MAML2: variants seen among roughly 807,000 people sequenced by gnomAD.
The protein encoded by MAML2 is mastermind-like protein 2.
Under a neutral mutation model 96.1 loss-of-function variants are expected in MAML2, and 22 were observed. The ratio of observed to expected loss-of-function variants is 0.23; its 90% CI spans 0.16 to 0.33. The LOEUF (loss-of-function observed/expected upper bound fraction) is 0.33. Among genes scored for constraint, MAML2 ranks in the 10% least tolerant of loss-of-function variants. The probability of loss-of-function intolerance (pLI) is 1.00; values close to 1 mark genes in which losing one functional copy is unlikely to be tolerated. For missense variants in MAML2, 1,367 were observed against 1,392.4 expected (o/e 0.98, Z 0.29); for synonymous variants, 561 against 521.3 (o/e 1.08, Z -1.04).
At chr11:96,289,043 C>G (rs947979615) in intron 1 of MAML2, among the ~76,000 whole-genome samples, 6 of 152,110 alleles carry the variant, frequency 3.9e-5, no homozygotes, top group African/African-American at 1.4e-4. Context: ...ATGTGTAAAG[C>G]CTGTTTCATT....
intron 1 of MAML2, among the ~76,000 whole-genome samples, chr11:96,169,764 C>T (rs1309149808): frequency 1.3e-5 from 2 of 151,504 alleles, no homozygotes; most frequent in Non-Finnish European, 2.9e-5. Flanking sequence ...AAGCGATTCT[C>T]CTGCCTCAGC....
intron 3 of MAML2, among the ~76,000 whole-genome samples, chr11:95,986,276 C>T (rs144363688): frequency 4.0e-4 from 60 of 150,570 alleles, no homozygotes; most frequent in Non-Finnish European, 7.1e-4. Flanking sequence ...GTGATCTCGG[C>T]TTACTGCAAC....
chr11:96,149,969 G>T (rs1407085609), intron 1 of MAML2, among the ~76,000 whole-genome samples: 2 of 152,064 alleles, frequency 1.3e-5, no homozygotes, highest in Non-Finnish European at 2.9e-5. Context: ...TGACTCCTGA[G>T]TCATCATGGC....
intron 2 of MAML2, among the ~76,000 whole-genome samples, chr11:96,028,317 C>A (rs566542297): frequency 6.6e-6 from 1 of 152,240 alleles, no homozygotes; most frequent in African/African-American, 2.4e-5. Context: ...CTCTTATAAG[C>A]ATTTTACCAC....
intron 1 of MAML2, among the ~76,000 whole-genome samples, chr11:96,155,917 A>G (rs1306257001): frequency 6.6e-6 from 1 of 152,122 alleles, no homozygotes; most frequent in Non-Finnish European, 1.5e-5. Flanking sequence ...TACAAGAGGA[A>G]ACATAAAAGA....
In MAML2 at chr11:96,320,923, T is replaced by C. The variant is rs182185214; in HGVS notation, c.513+20460A>G. Among the ~76,000 whole-genome samples, 30 of 152,300 alleles carry C rather than the reference T, an allele frequency of 2.0e-4. No homozygotes were observed. In the East Asian group the frequency reaches 3.7e-3, roughly 19 times the overall value. On this transcript the variant is annotated intron_variant, in intron 1 of 4. Transcript: ENST00000524717. ...CCAGTTGGAAGAGTGGGAGAAAACA[T>C]GTGGAATCCACATGCTGGCCAATTT... is the stretch of plus-strand genomic sequence containing the variant.
chr11:96,043,907 G>GGTAA (rs1243362772), intron 2 of MAML2, among the ~76,000 whole-genome samples: 15 of 152,302 alleles, frequency 9.8e-5, no homozygotes, highest in East Asian at 7.7e-4. Context: ...AAGTGCTGGT[G>GGTAA]GTAACTCTGG....
At chr11:95,988,322 G>A (rs1203630793) in intron 3 of MAML2, among the ~76,000 whole-genome samples, 1 of 151,016 alleles carries the variant, frequency 6.6e-6, no homozygotes, top group African/African-American at 2.4e-5. Flanking sequence ...GCAATGGCAC[G>A]ATCTCAGCTC....
chr11:96,158,522 G>A (rs1260384162), intron 1 of MAML2, among the ~76,000 whole-genome samples: 1 of 152,222 alleles, frequency 6.6e-6, no homozygotes, highest in Non-Finnish European at 1.5e-5. Flanking sequence ...AGAACTTCAA[G>A]AGATAGAAAA....
chr11:96,204,931 G>A (rs1313394013), intron 1 of MAML2, among the ~76,000 whole-genome samples: 7 of 152,098 alleles, frequency 4.6e-5, no homozygotes, highest in Non-Finnish European at 7.4e-5. Flanking sequence ...TACATTGATC[G>A]GAGGGCCTCT....
chr11:96,088,191 C>A (rs893989499), intron 2 of MAML2, among the ~76,000 whole-genome samples: 3 of 152,158 alleles, frequency 2.0e-5, no homozygotes, highest in Admixed American at 2.0e-4. Context: ...GATTGAGGAA[C>A]TTGGCTTTAA....
At chr11:96,012,129 C>T (rs912275777) in intron 2 of MAML2, among the ~76,000 whole-genome samples, 1 of 152,150 alleles carries the variant, frequency 6.6e-6, no homozygotes, top group Admixed American at 6.5e-5. Context: ...CGTTTTTGAG[C>T]TGCAGTAGCA....
intron 1 of MAML2, among the ~76,000 whole-genome samples, chr11:96,238,979 G>C (rs962679260): frequency 6.6e-6 from 1 of 152,226 alleles, no homozygotes; most frequent in Non-Finnish European, 1.5e-5. Context: ...TAATAAGCAA[G>C]CTGTGACACC....
chr11:96,165,367 CATT>C (rs1433457377), intron 1 of MAML2, among the ~76,000 whole-genome samples: 1 of 152,142 alleles, frequency 6.6e-6, no homozygotes, highest in Non-Finnish European at 1.5e-5. Context: ...CAGGAGATAT[CATT>C]GATGGTGTTG....
At chr11:96,242,589 T>G (rs918085386) in intron 1 of MAML2, among the ~76,000 whole-genome samples, 4 of 152,198 alleles carry the variant, frequency 2.6e-5, no homozygotes, top group African/African-American at 9.7e-5. Flanking sequence ...TTCTGCAGGC[T>G]GAAACAGAGC....
chr11:96,180,341 T>C (rs1478175008), intron 1 of MAML2, among the ~76,000 whole-genome samples: 1 of 152,166 alleles, frequency 6.6e-6, no homozygotes, highest in Non-Finnish European at 1.5e-5. Flanking sequence ...ACCAACAAAA[T>C]AGAGTGGCAG....
At chr11:96,235,778 G>T (rs1171567491) in intron 1 of MAML2, among the ~76,000 whole-genome samples, 1 of 152,146 alleles carries the variant, frequency 6.6e-6, no homozygotes, top group East Asian at 1.9e-4. Flanking sequence ...GTAAACCAGG[G>T]TTTTACACTG....
rs1862581395 is a variant in MAML2 at position 96,251,540 on chromosome 11, T to C, written c.513+89843A>G. Among the ~76,000 whole-genome samples, 2 of 152,190 alleles carry C rather than the reference T, an allele frequency of 1.3e-5. 1 individual carries two copies. Among genetic ancestry groups the C allele is most frequent in the South Asian group, 4.1e-4 (2 of 4,834 alleles). On this transcript the variant is annotated intron_variant, in intron 1 of 4. Coordinates refer to ENST00000524717, the MANE Select transcript of MAML2 (RefSeq NM_032427.4). ...TGCCTGTATTGTTATTAGTAGTAAG[T>C]AGGATTACTAAATTTAGAGTTCTAG...
Position 96,014,879 on chromosome 11 carries a change from C to A in MAML2, c.2140-23156G>T, listed in dbSNP as rs181873480. On this transcript the variant is annotated intron_variant, in intron 2 of 4. Coordinates refer to ENST00000524717, the MANE Select transcript of MAML2 (RefSeq NM_032427.4). The stretch of plus-strand genomic sequence containing the variant: ...TGCAAATCTCAAAGAAATTCCAATG[C>A]ATGTTTGAGTCATTAATTCATCAAT... Among the ~76,000 whole-genome samples the A allele has an allele frequency of 3.3e-5, 5 of 152,302 alleles. No individual in the cohort carries two copies. The East Asian group carries it at 9.6e-4, about 29-fold the overall frequency.
Sources: allele counts gnomAD v4.1 joint callset (sites outside exome capture counted in the v4.1 genomes callset), GRCh38; gene constraint gnomAD v4.1.1; transcripts MANE v1.5; gene names NCBI Gene and HGNC (gene_info 2026-07-23, HGNC 2026-07-21).